Variants in SELENOI observed in about 807,000 individuals in gnomAD.
SELENOI encodes the protein selenoprotein I, also known as ethanolaminephosphotransferase 1.
A neutral mutation model predicts 50.7 loss-of-function variants in SELENOI; 24 were observed. That is an observed-to-expected ratio of 0.47 (90% CI 0.34 to 0.67). The LOEUF (loss-of-function observed/expected upper bound fraction) is 0.67. Ranked by LOEUF, SELENOI falls within the 30% of genes least tolerant of loss-of-function variation. The probability of loss-of-function intolerance (pLI) is 0.01; values close to 1 mark genes in which losing one functional copy is unlikely to be tolerated. For synonymous variants in SELENOI, 155 were observed against 170.2 expected (o/e 0.91, Z 0.70); for missense variants, 352 against 461.4 (o/e 0.76, Z 2.17).
chr2:26,354,627 A>G (rs1677029073), intron 1 of SELENOI, among the ~76,000 whole-genome samples: 2 of 151,524 alleles, frequency 1.3e-5, no homozygotes, highest in Admixed American at 6.6e-5. Context: ...TCCTGACTTC[A>G]TGATTCGCCC....
At position 26,393,130 on chromosome 2, in the gene SELENOI, G is replaced by C. The variant is rs947509359; in HGVS notation, c.*4027G>C. The C allele has an allele frequency of 6.6e-6, 1 of 152,560 alleles. No homozygotes were observed. Among genetic ancestry groups the C allele is most frequent in the Non-Finnish European group, 1.5e-5 (1 of 68,024 alleles). The allele number at this position is 152,560 out of a possible 1,614,324, so 9.5% of individuals were successfully genotyped here. A position where few individuals can be genotyped will look rare whatever the true frequency, so the allele number is the denominator to read the frequency against. ...GTGATTTGCATATTTTAGTTTTTAT[G>C]TTTGACAGTGGTACAAATGACTGAC... On this transcript the variant is annotated 3_prime_UTR_variant, in exon 10 of 10. Coordinates refer to ENST00000260585, the MANE Select transcript of SELENOI (RefSeq NM_033505.4).
chr2:26,376,635 G>A (rs1476425056), intron 6 of SELENOI, among the ~76,000 whole-genome samples: 1 of 152,168 alleles, frequency 6.6e-6, no homozygotes, highest in Non-Finnish European at 1.5e-5. Flanking sequence ...TAGCCCCCGG[G>A]TTGTGTTATA....
chr2:26,370,845 T>C (rs1574757706), intron 4 of SELENOI, among the ~76,000 whole-genome samples: 3 of 100,128 alleles, frequency 3.0e-5, no homozygotes, highest in Non-Finnish European at 4.0e-5. Context: ...CACCCCCACC[T>C]CCCTCCCGGA....
At chr2:26,384,189 C>G (rs1677790609) in intron 7 of SELENOI, among the ~76,000 whole-genome samples, 1 of 152,222 alleles carries the variant, frequency 6.6e-6, no homozygotes, top group African/African-American at 2.4e-5. Context: ...CCCACTTCAT[C>G]CTTTAGCTCT....
chr2:26,347,521 C>T (rs72852716), intron 1 of SELENOI, among the ~76,000 whole-genome samples: 1 of 151,896 alleles, frequency 6.6e-6, no homozygotes, highest in Non-Finnish European at 1.5e-5. Flanking sequence ...CATTCTGAAC[C>T]GAGGTGATGA....
chr2:26,386,613 G>T, intron 9 of SELENOI, 77 bp downstream of exon 9: 1 of 1,254,074 alleles, frequency 8.0e-7, no homozygotes, highest in South Asian at 2.0e-5. Context: ...GTAGAAAGGA[G>T]GCAATGGAAA....
At chr2:26,357,084 G>A (rs754895176) in intron 1 of SELENOI, among the ~76,000 whole-genome samples, 4 of 151,968 alleles carry the variant, frequency 2.6e-5, no homozygotes, top group Non-Finnish European at 5.9e-5. Context: ...TTTATTACAT[G>A]TGTATATACC....
At chr2:26,385,645 A>G (rs1041141657) in intron 8 of SELENOI, among the ~76,000 whole-genome samples, 1 of 152,242 alleles carries the variant, frequency 6.6e-6, no homozygotes, top group African/African-American at 2.4e-5. Context: ...GAGAGCAGAC[A>G]GGAAGCAGAG....
chr2:26,350,541 A>G (rs530567076), intron 1 of SELENOI, among the ~76,000 whole-genome samples: 2 of 152,300 alleles, frequency 1.3e-5, no homozygotes, highest in African/African-American at 2.4e-5. Context: ...GATTTTGTTT[A>G]TTCAACAAGC....
rs554286126 is a variant in SELENOI, at chr2:26,347,957, C to A, written c.57+1668C>A. Among the ~76,000 whole-genome samples the A allele has an allele frequency of 5.9e-5, 9 of 152,158 alleles. No homozygotes were observed. In the East Asian group the frequency reaches 1.2e-3, roughly 20 times the overall value. ...TCCTATCATCCTGGAAAACAAAGGT[C>A]GATTTAGCAAGCGTCCAATGTTCAC... On this transcript the variant is annotated intron_variant, in intron 1 of 9. Coordinates refer to ENST00000260585, the MANE Select transcript of SELENOI (RefSeq NM_033505.4).
chr2:26,370,467 G>C (rs1677393456), intron 4 of SELENOI, among the ~76,000 whole-genome samples: 2 of 151,486 alleles, frequency 1.3e-5, no homozygotes, highest in South Asian at 4.2e-4. Context: ...TCCCGGACGG[G>C]GCGGCTGGCT....
At chr2:26,360,950 T>C (rs2115883) in intron 1 of SELENOI, among the ~76,000 whole-genome samples, 145,446 of 152,290 alleles carry the variant, frequency 0.96, 69,493 homozygotes, top group South Asian at 0.99. Context: ...CACGGTGGCT[T>C]ACGCCTGTAA....
chr2:26,354,408 C>T (rs891024277), intron 1 of SELENOI, among the ~76,000 whole-genome samples: 2 of 151,950 alleles, frequency 1.3e-5, no homozygotes, highest in South Asian at 2.1e-4. Context: ...TTTGTTTTTT[C>T]GAGACTCTCG....
At chr2:26,347,521 C>G (rs72852716) in intron 1 of SELENOI, among the ~76,000 whole-genome samples, 215 of 151,984 alleles carry the variant, frequency 1.4e-3, no homozygotes, top group African/African-American at 4.9e-3. Flanking sequence ...CATTCTGAAC[C>G]GAGGTGATGA....
In SELENOI at chr2:26,389,196, C is replaced by A; in HGVS notation, c.*93C>A. On this transcript the variant is annotated 3_prime_UTR_variant, in exon 10 of 10. Transcript: ENST00000260585. Reference sequence around the variant, plus strand: ...GAACTAGACTGATCTGCTTGACAGACGTGGGATCTCAGTATGGTACTTGGA... The same window carrying A: ...GAACTAGACTGATCTGCTTGACAGAAGTGGGATCTCAGTATGGTACTTGGA... The A allele has an allele frequency of 2.0e-6, 2 of 981,730 alleles. No individual in the cohort carries two copies. Among genetic ancestry groups the A allele is most frequent in the Non-Finnish European group, 3.1e-6 (2 of 642,520 alleles). 60.8% of individuals were successfully genotyped at this position (981,730 alleles called of 1,614,324 possible). A position where few individuals can be genotyped will look rare whatever the true frequency, so the allele number is the denominator to read the frequency against.
At chr2:26,361,492 T>TA (rs1251044937) in intron 1 of SELENOI, among the ~76,000 whole-genome samples, 1 of 152,248 alleles carries the variant, frequency 6.6e-6, no homozygotes, top group Non-Finnish European at 1.5e-5. Context: ...GTGTGTACTG[T>TA]ACTTACCTAT....
At chr2:26,375,645 A>C (rs1677552075) in intron 6 of SELENOI, among the ~76,000 whole-genome samples, 1 of 152,130 alleles carries the variant, frequency 6.6e-6, no homozygotes, top group Non-Finnish European at 1.5e-5. Context: ...ATTTTAGCTG[A>C]AGGGGATATC....
chr2:26,359,051 T>A (rs1677122152), intron 1 of SELENOI, among the ~76,000 whole-genome samples: 1 of 152,204 alleles, frequency 6.6e-6, no homozygotes, highest in African/African-American at 2.4e-5. Context: ...TCTGCCTGTT[T>A]TAGTGAATAC....
chr2:26,359,749 A>G (rs1170463846), intron 1 of SELENOI, among the ~76,000 whole-genome samples: 1 of 152,158 alleles, frequency 6.6e-6, no homozygotes, highest in Non-Finnish European at 1.5e-5. Flanking sequence ...AAATTGTTTT[A>G]ACTTTGAATT....
Sources: gnomAD v4.1 joint callset for allele counts (sites outside exome capture counted in the v4.1 genomes callset) on GRCh38, gnomAD v4.1.1 for gene constraint, MANE v1.5 for transcripts, NCBI Gene and HGNC (gene_info 2026-07-23, HGNC 2026-07-21) for gene names.